The following SVIL variants were observed in gnomAD, a reference collection of about 807,000 sequenced individuals.
The protein encoded by SVIL is archvillin.
A neutral mutation model predicts 240.4 loss-of-function variants in SVIL; 101 were observed. The observed-to-expected ratio is 0.42, with a 90% confidence interval of 0.36 to 0.50. The LOEUF (loss-of-function observed/expected upper bound fraction) is 0.50. Among genes scored for constraint, SVIL ranks in the 20% least tolerant of loss-of-function variants. The pLI is 0.01. For missense variants in SVIL, 2,512 were observed against 2,818.7 expected (o/e 0.89, Z 2.46); for synonymous variants, 999 against 1,100.0 (o/e 0.91, Z 1.82).
At chr10:29,548,641 G>T (rs1952920588) in intron 6 of SVIL, among the ~76,000 whole-genome samples, 1 of 152,100 alleles carries the variant, frequency 6.6e-6, no homozygotes, top group African/African-American at 2.4e-5. Flanking sequence ...CTGTGTCCTA[G>T]TGTGTGATAT....
chr10:29,666,553 C>T (rs927562123), intron 2 of SVIL, among the ~76,000 whole-genome samples: 1 of 152,170 alleles, frequency 6.6e-6, no homozygotes, highest in Non-Finnish European at 1.5e-5. Flanking sequence ...GGTACACTTA[C>T]GCCAAGGTCT....
chr10:29,550,752 G>C lies in SVIL; in HGVS notation c.672C>G (p.Ala224=), dbSNP rs375810056. 11 of 1,613,992 alleles carry C rather than the reference G, an allele frequency of 6.8e-6. No individual in the cohort carries two copies. Among genetic ancestry groups the C allele is most frequent in the Non-Finnish European group, 9.3e-6 (11 of 1,180,020 alleles). ...AGAAAGAGAAGGTCGAGGAACTCTC[G>C]GCTGCTGGGGACAGGTCATGGGCCT... ...TRQAHDLSPA[A]ESSSTFSFSG... Residue 224 remains alanine (A), a synonymous_variant, in exon 6 of 38, where the codon GCC becomes GCG. Transcript: ENST00000355867.
intron 2 of SVIL, among the ~76,000 whole-genome samples, chr10:29,564,876 C>T (rs926751769): frequency 4.6e-5 from 7 of 152,148 alleles, no homozygotes; most frequent in South Asian, 2.1e-4. Flanking sequence ...GAATTAGCAC[C>T]GACTTCTAAA....
At chr10:29,694,283 C>T (rs1184642940) in intron 1 of SVIL, among the ~76,000 whole-genome samples, 4 of 149,248 alleles carry the variant, frequency 2.7e-5, no homozygotes, top group Non-Finnish European at 4.4e-5. Flanking sequence ...CATGGTAGCA[C>T]ATGCCTATAG....
At chr10:29,718,115 C>T (rs1301201294) in intron 1 of SVIL, among the ~76,000 whole-genome samples, 1 of 151,842 alleles carries the variant, frequency 6.6e-6, no homozygotes, top group Non-Finnish European at 1.5e-5. Flanking sequence ...ATCATGAGGT[C>T]AGGAGATGGA....
At position 29,494,918 on chromosome 10, in the gene SVIL, G is replaced by A. The variant is rs771588724; in HGVS notation, c.3837C>T (p.Asn1279=). ...RLETFLRRLN[N]KVGGMHETVL... is the part of the protein sequence containing the mutation. The stretch of plus-strand genomic sequence containing the variant: ...CTTCTGGCTTCCAGTAGGTACCTTT[G>A]TTATTCAGCCTTCTTAGAAAGGTTT... Residue 1279 remains asparagine, a synonymous_variant, in exon 20 of 38, where the codon AAC becomes AAT. Coordinates refer to ENST00000355867, the MANE Select transcript of SVIL (RefSeq NM_021738.3). 6 of 1,613,338 alleles carry A rather than the reference G, an allele frequency of 3.7e-6. No homozygotes were observed. The East Asian group carries it at 1.1e-4, about 30-fold the overall frequency.
chr10:29,653,141 G>A (rs1958893788), intron 3 of SVIL, among the ~76,000 whole-genome samples: 1 of 151,902 alleles, frequency 6.6e-6, no homozygotes, highest in Non-Finnish European at 1.5e-5. Flanking sequence ...GATATGGTTT[G>A]GATTTGTGTT....
At chr10:29,697,059 T>G in intron 1 of SVIL, among the ~76,000 whole-genome samples, 1 of 116,222 alleles carries the variant, frequency 8.6e-6, no homozygotes, top group Non-Finnish European at 1.8e-5. Context: ...GTCCGGGAGG[T>G]GAGGGGCGCC....
At chr10:29,592,450 C>T (rs190043456) in intron 1 of SVIL, among the ~76,000 whole-genome samples, 2 of 152,168 alleles carry the variant, frequency 1.3e-5, no homozygotes, top group East Asian at 3.9e-4. Flanking sequence ...AAGCTGAATA[C>T]ATGTTGGTTT....
At chr10:29,458,406 T>A in intron 37 of SVIL, 28 bp downstream of exon 37, 1 of 1,600,276 alleles carries the variant, frequency 6.2e-7, no homozygotes, top group Non-Finnish European at 8.5e-7. Flanking sequence ...TTTACTCCCA[T>A]CCCCACCCCA....
chr10:29,710,483 A>C (rs1589557920), intron 1 of SVIL, among the ~76,000 whole-genome samples: 1 of 152,318 alleles, frequency 6.6e-6, no homozygotes, highest in East Asian at 1.9e-4. Context: ...AACCTGACTG[A>C]TACACCCACT....
intron 18 of SVIL, among the ~76,000 whole-genome samples, chr10:29,498,804 C>T (rs1384928908): frequency 6.6e-6 from 1 of 152,082 alleles, no homozygotes; most frequent in Non-Finnish European, 1.5e-5. Flanking sequence ...AACACAGCGA[C>T]ACCCCATTTC....
intron 3 of SVIL, among the ~76,000 whole-genome samples, chr10:29,559,301 C>CTTT (rs71813152): frequency 2.0e-5 from 3 of 151,456 alleles, no homozygotes; most frequent in African/African-American, 7.3e-5. Flanking sequence ...TATTTTTATT[C>CTTT]TTCTTTCTCT....
At chr10:29,525,822 G>A (rs1318949666) in intron 13 of SVIL, among the ~76,000 whole-genome samples, 1 of 152,072 alleles carries the variant, frequency 6.6e-6, no homozygotes, top group Non-Finnish European at 1.5e-5. Context: ...GCTATCCCAG[G>A]CCAAAGAGTA....
intron 3 of SVIL, among the ~76,000 whole-genome samples, chr10:29,555,760 A>G (rs1295855820): frequency 6.6e-6 from 1 of 152,186 alleles, no homozygotes; most frequent in Non-Finnish European, 1.5e-5. Flanking sequence ...TATTATGGAA[A>G]TCATTTACAG....
intron 36 of SVIL, 22 bp downstream of exon 36, chr10:29,462,255 T>A (rs1371243463): frequency 3.4e-5 from 54 of 1,611,514 alleles, no homozygotes; most frequent in Non-Finnish European, 4.5e-5. Flanking sequence ...GCCACCTTCA[T>A]AGGGCAGGAA....
intron 1 of SVIL, among the ~76,000 whole-genome samples, chr10:29,733,511 T>C (rs7898657): frequency 0.77 from 117,369 of 152,054 alleles, 45,539 homozygotes; most frequent in East Asian, 0.89. Flanking sequence ...CACTATGTTG[T>C]CCAGGCTGGT....
intron 17 of SVIL, among the ~76,000 whole-genome samples, chr10:29,506,682 A>AGGGAGGGGACAGAGGCCCTAGT (rs1949330675): frequency 8.9e-6 from 1 of 112,988 alleles, no homozygotes; most frequent in Non-Finnish European, 2.0e-5. Context: ...AGGCCCTATG[A>AGGGAGGGGACAGAGGCCCTAGT]GGGAGGGGAC....
intron 1 of SVIL, among the ~76,000 whole-genome samples, chr10:29,579,306 C>T (rs1406379750): frequency 2.0e-5 from 3 of 152,060 alleles, no homozygotes; most frequent in Middle Eastern, 3.4e-3. Context: ...GGTGTGGTGG[C>T]GGGCGCCTGT....
Sources: allele counts gnomAD v4.1 joint callset (sites outside exome capture counted in the v4.1 genomes callset), GRCh38; gene constraint gnomAD v4.1.1; transcripts MANE v1.5; gene names NCBI Gene and HGNC (gene_info 2026-07-23, HGNC 2026-07-21).